Variants in MALRD1 observed in about 807,000 individuals in gnomAD.
The protein encoded by MALRD1 is MAM and LDL-receptor class A domain-containing protein 1.
A neutral mutation model predicts 242.1 loss-of-function variants in MALRD1; 247 were observed. The observed-to-expected ratio is 1.02, with a 90% CI of 0.92 to 1.13. The LOEUF (loss-of-function observed/expected upper bound fraction) is 1.13. Among genes scored for constraint, MALRD1 ranks in the 50% most tolerant of loss-of-function variants. The probability of loss-of-function intolerance (pLI) is 0.00; values close to 1 mark genes in which losing one functional copy is unlikely to be tolerated. For missense variants in MALRD1, 2,989 were observed against 2,533.1 expected (o/e 1.18, Z -3.86); for synonymous variants, 995 against 866.6 (o/e 1.15, Z -2.60).
intron 36 of MALRD1, among the ~76,000 whole-genome samples, chr10:19,643,391 A>G (rs867982320): frequency 4.6e-5 from 7 of 152,188 alleles, no homozygotes; most frequent in African/African-American, 1.4e-4. Flanking sequence ...GGTTTCAGTG[A>G]GCCGAGACTG....
chr10:19,377,741 C>T (rs192216172), intron 26 of MALRD1, among the ~76,000 whole-genome samples: 2 of 151,720 alleles, frequency 1.3e-5, no homozygotes, highest in East Asian at 3.9e-4. Context: ...AGGTGTAAAA[C>T]GAGGTGATTT....
intron 28 of MALRD1, among the ~76,000 whole-genome samples, chr10:19,446,076 C>T (rs1236077668): frequency 6.6e-6 from 1 of 152,148 alleles, no homozygotes; most frequent in East Asian, 1.9e-4. Flanking sequence ...GGGCGTGGGA[C>T]CCTCCGAGCC....
chr10:19,095,762 C>G (rs377547900), intron 4 of MALRD1, among the ~76,000 whole-genome samples: 1 of 152,054 alleles, frequency 6.6e-6, no homozygotes, highest in Non-Finnish European at 1.5e-5. Context: ...TGTTATTAAC[C>G]GCTGGAGAAG....
chr10:19,412,997 T>C (rs772770180), intron 28 of MALRD1, among the ~76,000 whole-genome samples: 5 of 152,194 alleles, frequency 3.3e-5, no homozygotes, highest in African/African-American at 4.8e-5. Flanking sequence ...CATAACTTTA[T>C]TCTTAAAAAT....
intron 1 of MALRD1, among the ~76,000 whole-genome samples, chr10:19,058,047 G>A (rs1441595346): frequency 6.6e-6 from 1 of 152,172 alleles, no homozygotes; most frequent in Non-Finnish European, 1.5e-5. Context: ...TGTATGCCAA[G>A]CACTGTTAAA....
At chr10:19,181,241 C>A (rs1402370500) in intron 14 of MALRD1, among the ~76,000 whole-genome samples, 1 of 152,158 alleles carries the variant, frequency 6.6e-6, no homozygotes, top group Admixed American at 6.5e-5. Flanking sequence ...ATTACCACTT[C>A]ATAAAGCTAT....
chr10:19,515,420 A>G (rs960337840), intron 31 of MALRD1, among the ~76,000 whole-genome samples: 1 of 152,104 alleles, frequency 6.6e-6, no homozygotes, highest in South Asian at 2.1e-4. Context: ...AGTTTAAACC[A>G]TCTTTAGTCC....
chr10:19,251,121 G>T (rs1353078803), intron 18 of MALRD1, among the ~76,000 whole-genome samples: 1 of 151,838 alleles, frequency 6.6e-6, no homozygotes, highest in Non-Finnish European at 1.5e-5. Flanking sequence ...GGGAGGGGAG[G>T]CTGAGTTGAT....
chr10:19,528,195 G>C (rs1389373694), intron 31 of MALRD1, among the ~76,000 whole-genome samples: 2 of 152,142 alleles, frequency 1.3e-5, no homozygotes, highest in Non-Finnish European at 2.9e-5. Context: ...ATAGAAAACA[G>C]CTTACCAATG....
chr10:19,551,201 T>C (rs1005061980), intron 32 of MALRD1, among the ~76,000 whole-genome samples: 8 of 152,182 alleles, frequency 5.3e-5, no homozygotes, highest in Non-Finnish European at 1.0e-4. Flanking sequence ...AGATGCTGGA[T>C]ATTAGACCTT....
chr10:19,331,902 C>G (rs1372300842), intron 24 of MALRD1, among the ~76,000 whole-genome samples: 1 of 152,142 alleles, frequency 6.6e-6, no homozygotes, highest in Non-Finnish European at 1.5e-5. Context: ...GAATCTCACT[C>G]TGTTGCAGGA....
chr10:19,071,968 T>A (rs1335777697), intron 2 of MALRD1, among the ~76,000 whole-genome samples: 1 of 152,156 alleles, frequency 6.6e-6, no homozygotes, highest in Non-Finnish European at 1.5e-5. Flanking sequence ...GATATAAAAG[T>A]GAACAAGAAT....
Position 19,190,245 on chromosome 10 carries a change from A to C in MALRD1, c.1952-13483A>C, listed in dbSNP as rs1328935830. On this transcript the variant is annotated intron_variant, in intron 14 of 39. Coordinates refer to ENST00000454679, the MANE Select transcript of MALRD1 (RefSeq NM_001142308.3). ...AATAAAAGTCTTTAGGAATTAATCA[A>C]GATGGTGAAAGACTTGTACAATAAA... Among the ~76,000 whole-genome samples the C allele has an allele frequency of 2.6e-5, 4 of 152,098 alleles. No homozygotes were observed. The East Asian group carries it at 7.7e-4, about 29-fold the overall frequency.
chr10:19,403,146 A>G (rs1036349590), intron 28 of MALRD1, among the ~76,000 whole-genome samples: 18 of 152,154 alleles, frequency 1.2e-4, no homozygotes, highest in African/African-American at 3.4e-4. Context: ...ATGCAGTCTA[A>G]AAAGAATTTA....
intron 32 of MALRD1, among the ~76,000 whole-genome samples, chr10:19,560,492 T>C (rs540547396): frequency 6.6e-6 from 1 of 151,904 alleles, no homozygotes; most frequent in South Asian, 2.1e-4. Context: ...AAATAAAAAA[T>C]AAATAAAGAC....
chr10:19,713,139 C>T (rs1834219527), intron 38 of MALRD1, among the ~76,000 whole-genome samples: 1 of 150,862 alleles, frequency 6.6e-6, no homozygotes, highest in East Asian at 2.0e-4. Context: ...TCTTTCTTGC[C>T]TATTAAACTC....
chr10:19,116,040 C>T (rs961128444), intron 5 of MALRD1, among the ~76,000 whole-genome samples: 5 of 151,940 alleles, frequency 3.3e-5, no homozygotes, highest in African/African-American at 4.8e-5. Flanking sequence ...CAAACAATAC[C>T]GTTCTAACCT....
chr10:19,419,987 G>A (rs1370971390), intron 28 of MALRD1, among the ~76,000 whole-genome samples: 2 of 152,094 alleles, frequency 1.3e-5, no homozygotes, highest in South Asian at 2.1e-4. Flanking sequence ...TTTTGGTGCC[G>A]CAAAATAAAT....
At chr10:19,067,121 T>C (rs1157079953) in intron 2 of MALRD1, among the ~76,000 whole-genome samples, 1 of 152,186 alleles carries the variant, frequency 6.6e-6, no homozygotes, top group East Asian at 1.9e-4. Context: ...TTCCAATAGG[T>C]CTGCTTAGAG....
Sources: gnomAD v4.1 joint callset for allele counts (sites outside exome capture counted in the v4.1 genomes callset) on GRCh38, gnomAD v4.1.1 for gene constraint, MANE v1.5 for transcripts, NCBI Gene and HGNC (gene_info 2026-07-23, HGNC 2026-07-21) for gene names.